ZBTB7A: variants seen among roughly 807,000 people sequenced by gnomAD.
ZBTB7A encodes the protein zinc finger and BTB domain containing 7A.
A neutral mutation model predicts 26.7 loss-of-function variants in ZBTB7A; 7 were observed. The observed-to-expected ratio is 0.26, with a 90% confidence interval of 0.15 to 0.49. The LOEUF (loss-of-function observed/expected upper bound fraction) is 0.49. Among genes scored for constraint, ZBTB7A ranks in the 20% least tolerant of loss-of-function variants. The pLI is 0.98. For synonymous variants in ZBTB7A, 452 were observed against 441.0 expected (o/e 1.02, Z -0.31); for missense variants, 617 against 919.5 (o/e 0.67, Z 4.25).
At chr19:4,056,543 G>A (rs2144997483) in intron 1 of ZBTB7A, among the ~76,000 whole-genome samples, 1 of 152,260 alleles carries the variant, frequency 6.6e-6, no homozygotes, top group African/African-American at 2.4e-5. Flanking sequence ...CGACCAGCCT[G>A]GCCAACATGG....
In ZBTB7A at chr19:4,054,709, G is replaced by A. The variant is rs200634461; in HGVS notation, c.524C>T (p.Ala175Val). 252 of 1,575,252 alleles carry A rather than the reference G, an allele frequency of 1.6e-4. No homozygotes were observed. Among genetic ancestry groups the A allele is most frequent in the Non-Finnish European group, 1.6e-4 (187 of 1,160,692 alleles). Residue 175 changes from alanine to valine, a missense_variant, in exon 2 of 3, where the codon GCG becomes GTG. Physicochemically the swap from Ala to Val is moderately conservative, Grantham distance 64. Coordinates refer to ENST00000322357, the MANE Select transcript of ZBTB7A (RefSeq NM_015898.4). Reference sequence around the variant, plus strand: ...GAAGCTGGCAGCGGCGGCGGCGGCCGCGGGGGGCAGGCTGTTCATGGGGTT... The same window carrying A: ...GAAGCTGGCAGCGGCGGCGGCGGCCACGGGGGGCAGGCTGTTCATGGGGTT... The part of the protein sequence containing the change: ...QSNPMNSLPP[A>V]AAAAAASFPW...
At position 4,045,273 on chromosome 19, in the gene ZBTB7A, G is replaced by T. The variant is rs2040400499; in HGVS notation, c.*2479C>A. The stretch of plus-strand genomic sequence containing the variant: ...GTGCATGGATAGGGGAAGGTGGAAA[G>T]AGGGCTCACCCCTCAGGGGGCCTCT... On this transcript the variant is annotated 3_prime_UTR_variant, in exon 3 of 3. Coordinates refer to ENST00000322357, the MANE Select transcript of ZBTB7A (RefSeq NM_015898.4). The surrounding 1 kb of genome is among the most constrained non-coding windows in gnomAD (Gnocchi z 4.1). 6.6e-6 allele frequency: 1 copy of T among 152,190 alleles called. No homozygotes were observed. The highest frequency in any genetic ancestry group is 1.5e-5 in the Non-Finnish European group (1 of 68,068). 9.4% of individuals were successfully genotyped at this position (152,190 alleles called of 1,614,324 possible).
intron 1 of ZBTB7A, among the ~76,000 whole-genome samples, chr19:4,063,393 T>C (rs2040659467): frequency 6.6e-6 from 1 of 152,174 alleles, no homozygotes; most frequent in South Asian, 2.1e-4. Flanking sequence ...CGGTCTCCTC[T>C]GGTCATAAAA....
chr19:4,059,086 T>A (rs1298013309), intron 1 of ZBTB7A, among the ~76,000 whole-genome samples: 4 of 152,174 alleles, frequency 2.6e-5, no homozygotes, highest in African/African-American at 9.7e-5. Flanking sequence ...ATCTGCCGTC[T>A]GGCCCTGGGC....
intron 1 of ZBTB7A, chr19:4,061,625 G>GT (rs2040639159): frequency 6.6e-6 from 1 of 152,274 alleles, no homozygotes; most frequent in African/African-American, 2.4e-5. Flanking sequence ...GCCATTTTAC[G>GT]TGTCCATTTA....
Position 4,054,816 on chromosome 19 carries a change from G to A in ZBTB7A, c.417C>T (p.Asp139=), listed in dbSNP as rs753160204. 6.9e-6 allele frequency: 11 copies of A among 1,597,366 alleles called. No individual in the cohort carries two copies. The highest frequency in any genetic ancestry group is 1.7e-5 in the Admixed American group (1 of 57,720). The change falls in exon 2 of 3, where the codon GAC becomes GAT. Residue 139 remains aspartate (D), a synonymous_variant. Coordinates refer to ENST00000322357, the MANE Select transcript of ZBTB7A (RefSeq NM_015898.4). The part of the protein sequence containing the change: ...RQILAADAGA[D]AGQLDLVDQI... ...GATCTACAAGGTCCAGCTGCCCGGC[G>A]TCGGCGCCCGCGTCGGCCGCCAGGA...
rs1229124106 is a variant in ZBTB7A, at chr19:4,047,613, C to CTG, written c.*137_*138dup. On this transcript the variant is annotated 3_prime_UTR_variant, in exon 3 of 3. Coordinates refer to ENST00000322357, the MANE Select transcript of ZBTB7A (RefSeq NM_015898.4). ...TCTGTGACGCGTCATATATATATATCTGTATATATATATATAGATATAGAT... is the reference window on the plus strand; with the variant it reads ...TCTGTGACGCGTCATATATATATATCTGTGTATATATATATATAGATATAGAT... The CTG allele has an allele frequency of 3.4e-6, 2 of 595,480 alleles. No homozygotes were observed. Among genetic ancestry groups the CTG allele is most frequent in the East Asian group, 3.9e-5 (1 of 25,538 alleles). The allele number at this position is 595,480 out of a possible 1,614,324, so 36.9% of individuals were successfully genotyped here. A position where few individuals can be genotyped will look rare whatever the true frequency, so the allele number is the denominator to read the frequency against.
intron 2 of ZBTB7A, among the ~76,000 whole-genome samples, chr19:4,049,381 A>C (rs748947208): frequency 9.4e-5 from 14 of 148,434 alleles, no homozygotes; most frequent in Non-Finnish European, 1.3e-4. Context: ...GGCTTCTGCC[A>C]CTCCATCCTG....
At position 4,047,859 on chromosome 19, in the gene ZBTB7A, G is replaced by T; in HGVS notation, c.1648C>A (p.Pro550Thr). The change falls in exon 3 of 3, where the codon CCC becomes ACC. Residue 550 changes from proline to threonine, a missense_variant. Pro to Thr is a conservative substitution (Grantham distance 38). This residue lies in a region of ZBTB7A where 136 missense variants were observed against 126.6 expected (regional missense o/e 1.07). Transcript: ENST00000322357. ...ACATTCAACCGGCCCAAGCCGTCGG[G>T]GCTGGCCACGTCCTCGTCCTCGTCC... ...DEDEDEDVAS[P>T]DGLGRLNVAG... The T allele has an allele frequency of 6.2e-7, 1 of 1,605,086 alleles. No homozygotes were observed. The highest frequency in any genetic ancestry group is 1.1e-5 in the South Asian group (1 of 90,138).
chr19:4,051,263 C>T (rs896613370), intron 2 of ZBTB7A, among the ~76,000 whole-genome samples: 3 of 152,140 alleles, frequency 2.0e-5, no homozygotes, highest in African/African-American at 7.2e-5. Context: ...TTGCTGCTGC[C>T]TGTTGTGCCC....
chr19:4,056,416 C>T (rs1380252064), intron 1 of ZBTB7A, among the ~76,000 whole-genome samples: 9 of 152,176 alleles, frequency 5.9e-5, no homozygotes, highest in East Asian at 3.8e-4. Flanking sequence ...GGAGGGCCCC[C>T]GGGAATGCCT....
intron 1 of ZBTB7A, among the ~76,000 whole-genome samples, chr19:4,064,502 G>A (rs2040671473): frequency 6.6e-6 from 1 of 152,242 alleles, no homozygotes; most frequent in African/African-American, 2.4e-5. Context: ...GCCTGGCCTG[G>A]CCTGGGCCCC....
chr19:4,054,145 T>G lies in ZBTB7A; in HGVS notation c.1088A>C (p.Asp363Ala), dbSNP rs2144989907. 6.2e-7 allele frequency: 1 copy of G among 1,604,272 alleles called. No homozygotes were observed. Among genetic ancestry groups the G allele is most frequent in the Middle Eastern group, 1.7e-4 (1 of 6,058 alleles). The change falls in exon 2 of 3, where the codon GAC becomes GCC. Residue 363 changes from aspartate to alanine, a missense_variant. Transcript: ENST00000322357. Reference sequence around the variant, plus strand: ...CTTCTGCGACCAGGCCGGGTAGACGTCGCCGTCGTGGGCGCCGCTGAAGTA... The same window carrying G: ...CTTCTGCGACCAGGCCGGGTAGACGGCGCCGTCGTGGGCGCCGCTGAAGTA... ...LKYFSGAHDG[D>A]VYPAWSQKVE...
intron 1 of ZBTB7A, among the ~76,000 whole-genome samples, chr19:4,057,865 T>TC (rs1302821809): frequency 6.7e-6 from 1 of 148,932 alleles, no homozygotes; most frequent in Non-Finnish European, 1.5e-5. Context: ...CAGCACCCAC[T>TC]CCGTCGTGAG....
chr19:4,065,308 C>G (rs1343855375), intron 1 of ZBTB7A: 1 of 148,514 alleles, frequency 6.7e-6, no homozygotes, highest in Non-Finnish European at 1.5e-5. Context: ...GGCCCCCCAC[C>G]CGGGGCTGAG....
chr19:4,064,323 C>T (rs569733070), intron 1 of ZBTB7A, among the ~76,000 whole-genome samples: 1 of 152,356 alleles, frequency 6.6e-6, no homozygotes, highest in Non-Finnish European at 1.5e-5. Flanking sequence ...CGGCCGGCTC[C>T]TGCCCCCCCT....
In ZBTB7A at chr19:4,055,252, A is replaced by G. The variant is rs1211709096; in HGVS notation, c.-15-5T>C. 6.8e-7 allele frequency: 1 copy of G among 1,466,672 alleles called. No homozygotes were observed. 90.9% of individuals were successfully genotyped at this position (1,466,672 alleles called of 1,614,324 possible). A position where few individuals can be genotyped will look rare whatever the true frequency, so the allele number is the denominator to read the frequency against. On this transcript the variant is annotated splice_polypyrimidine_tract_variant and splice_region_variant and intron_variant, in intron 1 of 2. Coordinates refer to ENST00000322357, the MANE Select transcript of ZBTB7A (RefSeq NM_015898.4). ...GGCCATCTTCCGCGCCGAGACCTGC[A>G]GCAGTGGGGAAGGAGAGGGCGCTCG...
Position 4,043,632 on chromosome 19 carries a change from A to C in ZBTB7A, c.*4120T>G, listed in dbSNP as rs1284428814. Among the ~76,000 whole-genome samples the C allele has an allele frequency of 4.7e-5, 7 of 147,508 alleles. No individual in the cohort carries two copies. The highest frequency in any genetic ancestry group is 7.4e-5 in the Non-Finnish European group (5 of 67,312). ...GGCCTGGGGTGGGGTGGGGGGCGGGACCTGGGCATCGGATCCTGGTCCACA... is the reference window on the plus strand; with the variant it reads ...GGCCTGGGGTGGGGTGGGGGGCGGGCCCTGGGCATCGGATCCTGGTCCACA... On this transcript the variant is annotated 3_prime_UTR_variant, in exon 3 of 3. Transcript: ENST00000322357.
rs201785003 is a variant in ZBTB7A at position 4,054,200 on chromosome 19, C to T, written c.1033G>A (p.Asp345Asn). 13 of 1,589,790 alleles carry T rather than the reference C, an allele frequency of 8.2e-6. No individual in the cohort carries two copies. The East Asian group carries it at 2.0e-4, about 25-fold the overall frequency. Residue 345 changes from aspartate (D) to asparagine (N), a missense_variant, in exon 2 of 3, where the codon GAC (aspartate) becomes AAC (asparagine). Asp to Asn is a conservative substitution (Grantham distance 23). Transcript: ENST00000322357. The stretch of plus-strand genomic sequence containing the variant: ...AGGTAGTAGTCCATGACGCCCTTGT[C>T]GTCGGCCCGCGACTCCTCGTCGCTG... ...GDSDEESRADDKGVMDYYLKY... is the reference protein window; with the variant it reads ...GDSDEESRADNKGVMDYYLKY...
Sources: allele counts gnomAD v4.1 joint callset (sites outside exome capture counted in the v4.1 genomes callset), GRCh38; gene constraint gnomAD v4.1.1; regional missense constraint gnomAD v4.1.1; non-coding constraint Gnocchi (gnomAD v3.1); transcripts MANE v1.5; gene names NCBI Gene and HGNC (gene_info 2026-07-23, HGNC 2026-07-21).